Variants in ATXN1 observed in about 807,000 individuals in gnomAD.
ATXN1 encodes the protein ataxin-1.
ATXN1 carries 8 observed loss-of-function variants against 56.4 expected under a neutral mutation model. The ratio of observed to expected loss-of-function variants is 0.14; its 90% CI spans 0.08 to 0.26. ATXN1 has a LOEUF of 0.26. Ranked by LOEUF, ATXN1 falls within the 10% of genes least tolerant of loss-of-function variation. The probability of loss-of-function intolerance (pLI) is 1.00; values close to 1 mark genes in which losing one functional copy is unlikely to be tolerated. For missense variants in ATXN1, 987 were observed against 1,106.5 expected, an observed-to-expected ratio of 0.89 and a Z score of 1.53; for synonymous variants, 514 against 494.6, an observed-to-expected ratio of 1.04 and a Z score of -0.52.
chr6:16,306,195 C>A lies in ATXN1; in HGVS notation c.*134G>T. 8.7e-7 allele frequency: 1 copy of A among 1,153,128 alleles called. No homozygotes were observed. The highest frequency in any genetic ancestry group is 1.5e-5 in the South Asian group (1 of 65,710). The allele number at this position is 1,153,128 out of a possible 1,614,324, so 71.4% of individuals were successfully genotyped here. ...CTCCTGCGACACACCTGCTGTAACT[C>A]TAATGACAAGGTTAGAACAGAAACC... On this transcript the variant is annotated 3_prime_UTR_variant, in exon 8 of 8. Transcript: ENST00000436367. This position sits in a 1 kb window ranked among gnomAD's most constrained non-coding sequence, Gnocchi z 5.2.
At chr6:16,339,501 C>G (rs1249028712) in intron 6 of ATXN1, among the ~76,000 whole-genome samples, 1 of 152,190 alleles carries the variant, frequency 6.6e-6, no homozygotes, top group East Asian at 1.9e-4. Context: ...CTCTCAACTG[C>G]AAAGACCCCA....
chr6:16,416,864 T>G (rs1365898700), intron 6 of ATXN1, among the ~76,000 whole-genome samples: 4 of 152,188 alleles, frequency 2.6e-5, no homozygotes, highest in Admixed American at 2.6e-4. Context: ...CGTGTATCAT[T>G]GCATACTCAG....
At chr6:16,351,370 A>AT (rs111773391) in intron 6 of ATXN1, among the ~76,000 whole-genome samples, 10,216 of 147,800 alleles carry the variant, frequency 0.069, 1,167 homozygotes, top group African/African-American at 0.23. Context: ...TAAGAAACCA[A>AT]TTTTTCCCCC....
chr6:16,463,997 G>A (rs1213285785), intron 6 of ATXN1, among the ~76,000 whole-genome samples: 1 of 152,164 alleles, frequency 6.6e-6, no homozygotes, highest in Non-Finnish European at 1.5e-5. Flanking sequence ...CCTCTGGAGG[G>A]CACTACAACT....
rs548688030 is a variant in ATXN1, at chr6:16,422,184, G to T, written c.-161+63788C>A. ...GGGCCACATATTTTGAGGTTTCAGA[G>T]ACAGTGAGGTAGATTCTGCCTTGAG... On this transcript the variant is annotated intron_variant, in intron 6 of 7. Transcript: ENST00000436367. Among the ~76,000 whole-genome samples the T allele has an allele frequency of 4.6e-5, 7 of 152,268 alleles. No individual in the cohort carries two copies. In the South Asian group the frequency reaches 1.5e-3, roughly 32 times the overall value.
chr6:16,637,351 TG>T (rs1159782192), intron 3 of ATXN1, among the ~76,000 whole-genome samples: 2 of 27,492 alleles, frequency 7.3e-5, no homozygotes, highest in African/African-American at 2.9e-4. Context: ...TGTCATGGAG[TG>T]GGGGGAGGGG....
At chr6:16,519,644 G>GCCCAGGAAGTACCCTC (rs1273453245) in intron 5 of ATXN1, among the ~76,000 whole-genome samples, 1 of 152,160 alleles carries the variant, frequency 6.6e-6, no homozygotes, top group Non-Finnish European at 1.5e-5. Flanking sequence ...TGACCACGAT[G>GCCCAGGAAGTACCCTC]CCCAGGAAGT....
chr6:16,590,818 C>A (rs1320764740), intron 3 of ATXN1, among the ~76,000 whole-genome samples: 1 of 151,730 alleles, frequency 6.6e-6, no homozygotes, highest in Non-Finnish European at 1.5e-5. Flanking sequence ...TACAGGCACA[C>A]GCCACCATGC....
intron 2 of ATXN1, among the ~76,000 whole-genome samples, chr6:16,751,854 A>G (rs997372749): frequency 1.3e-5 from 2 of 152,236 alleles, no homozygotes; most frequent in African/African-American, 4.8e-5. Context: ...GATACAAACC[A>G]TACACCAGGT....
chr6:16,437,921 T>C (rs973939039), intron 6 of ATXN1, among the ~76,000 whole-genome samples: 7 of 152,154 alleles, frequency 4.6e-5, no homozygotes, highest in Admixed American at 3.9e-4. Flanking sequence ...TTGGCTACTA[T>C]GGGTGTTCAA....
intron 2 of ATXN1, among the ~76,000 whole-genome samples, chr6:16,714,183 A>G (rs1477358618): frequency 1.7e-5 from 1 of 60,504 alleles, no homozygotes; most frequent in East Asian, 4.2e-4. Context: ...ACCACACACC[A>G]CACACACACA....
At chr6:16,739,747 T>C (rs944892619) in intron 2 of ATXN1, 3 of 441,872 alleles carry the variant, frequency 6.8e-6, no homozygotes, top group Non-Finnish European at 1.4e-5. Context: ...CAAGAGGAGG[T>C]CTCTGAAGCT....
At chr6:16,557,266 T>G (rs236920) in intron 4 of ATXN1, among the ~76,000 whole-genome samples, 94,469 of 149,974 alleles carry the variant, frequency 0.63, 32,274 homozygotes, top group African/African-American at 0.9. Flanking sequence ...GCCAGAGGTT[T>G]CAGTGAGCCA....
intron 6 of ATXN1, among the ~76,000 whole-genome samples, chr6:16,349,158 G>A (rs913529370): frequency 6.6e-6 from 1 of 152,258 alleles, no homozygotes; most frequent in Middle Eastern, 3.4e-3. Context: ...TTCTAAGAAA[G>A]GCCCTCTTCT....
intron 6 of ATXN1, among the ~76,000 whole-genome samples, chr6:16,464,440 C>G (rs962240092): frequency 1.3e-5 from 2 of 152,132 alleles, no homozygotes; most frequent in Non-Finnish European, 2.9e-5. Flanking sequence ...AGCAGCAACC[C>G]ACTTGGGTCC....
intron 2 of ATXN1, among the ~76,000 whole-genome samples, chr6:16,706,313 G>A (rs1759404153): frequency 6.6e-6 from 1 of 152,122 alleles, no homozygotes; most frequent in African/African-American, 2.4e-5. Flanking sequence ...CCTATCTTAT[G>A]CTTTAGCCTC....
At position 16,562,610 on chromosome 6, in the gene ATXN1, T is replaced by TA. The variant is rs1762144711; in HGVS notation, c.-361+23169_-361+23170insT. 4.6e-5 allele frequency among the ~76,000 whole-genome samples: 7 copies of TA among 151,952 alleles called. 2 individuals are homozygous for TA. The highest frequency in any genetic ancestry group is 4.6e-4 in the Admixed American group (7 of 15,258). On this transcript the variant is annotated intron_variant, in intron 4 of 7. Transcript: ENST00000436367. ...AGCCCAGAGGTCTAGGAGTAACCAC[T>TA]GAATAAAAGCTTACTAGTTTGAGTC... is the stretch of plus-strand genomic sequence containing the variant.
chr6:16,325,635 G>A lies in ATXN1; in HGVS notation c.1917+759C>T, dbSNP rs570381147. On this transcript the variant is annotated intron_variant, in intron 7 of 7. Transcript: ENST00000436367. ...CTTCCCCAGGTGCCCCCCACTTTAC[G>A]GTGTTCTACACCTCTTGGTGTAGAG... Among the ~76,000 whole-genome samples, 149 of 152,070 alleles carry A rather than the reference G, an allele frequency of 9.8e-4. 1 individual carries two copies. The highest frequency in any genetic ancestry group is 1.0e-3 in the Non-Finnish European group (68 of 67,982).
At chr6:16,522,103 C>A (rs1761305035) in intron 5 of ATXN1, among the ~76,000 whole-genome samples, 2 of 152,196 alleles carry the variant, frequency 1.3e-5, no homozygotes, top group Non-Finnish European at 2.9e-5. Flanking sequence ...ACACCAGTAT[C>A]AAAATCCTAG....
Sources: gnomAD v4.1 joint callset for allele counts (sites outside exome capture counted in the v4.1 genomes callset) on GRCh38, gnomAD v4.1.1 for gene constraint, Gnocchi (gnomAD v3.1) non-coding constraint, MANE v1.5 for transcripts, NCBI Gene and HGNC (gene_info 2026-07-23, HGNC 2026-07-21) for gene names.